Variants in ZRANB1 observed in about 807,000 individuals in gnomAD.
The protein encoded by ZRANB1 is zinc finger RANBP2-type containing 1.
In ZRANB1, 16 loss-of-function variants were observed where a neutral mutation model predicts 80.5. The ratio of observed to expected loss-of-function variants is 0.20; its 90% CI spans 0.13 to 0.30. The LOEUF is 0.30. Among genes scored for constraint, ZRANB1 ranks in the 10% least tolerant of loss-of-function variants. ZRANB1 has a pLI of 1.00. For missense variants in ZRANB1, 576 were observed against 862.6 expected, an observed-to-expected ratio of 0.67 and a Z score of 4.16; for synonymous variants, 291 against 293.1, an observed-to-expected ratio of 0.99 and a Z score of 0.07.
upstream of ZRANB1, among the ~76,000 whole-genome samples, chr10:124,940,890 T>A (rs560135102): frequency 2.5e-3 from 379 of 152,132 alleles, 3 homozygotes; most frequent in African/African-American, 8.1e-3. Context: ...GGCAGGAGAA[T>A]CGCTTGAACC....
chr10:124,931,399 C>G, the ZRANB1 span, among the ~76,000 whole-genome samples: 3 of 152,102 alleles, frequency 2.0e-5, no homozygotes, highest in African/African-American at 7.2e-5. Flanking sequence ...GAGACAGAGT[C>G]TTGCTCTGTT....
At chr10:124,945,408 C>CTTTTTTT (rs1951571849) in intron 1 of ZRANB1, 1 of 60,034 alleles carries the variant, frequency 1.7e-5, no homozygotes, top group African/African-American at 8.0e-5. Context: ...GTCTTAAAAT[C>CTTTTTTT]ATTTTTTTTT....
the ZRANB1 span, among the ~76,000 whole-genome samples, chr10:124,933,138 C>CTT: frequency 3.8e-4 from 51 of 132,688 alleles, no homozygotes; most frequent in East Asian, 7.6e-3. Flanking sequence ...TCTTTTCTTT[C>CTT]TTTTTTTTTT....
At chr10:124,951,178 AATTAGT>A (rs1226634370) in intron 1 of ZRANB1, among the ~76,000 whole-genome samples, 2 of 152,210 alleles carry the variant, frequency 1.3e-5, no homozygotes, top group African/African-American at 4.8e-5. Flanking sequence ...TAAATTATTA[AATTAGT>A]ATTACTTTTT....
the ZRANB1 span, among the ~76,000 whole-genome samples, chr10:124,935,040 G>C: frequency 6.6e-6 from 1 of 152,232 alleles, no homozygotes. Flanking sequence ...ATAATTTAGT[G>C]ATTGTTGTAT....
chr10:124,960,245 T>C lies in ZRANB1; in HGVS notation c.815-6349T>C, dbSNP rs147111096. ...GGCAAATTATAGGAGCTTTCTTGTT[T>C]AGTGTTTCTAATTGGAGACCTTAGT... is the stretch of plus-strand genomic sequence containing the variant. On this transcript the variant is annotated intron_variant, in intron 1 of 8. Transcript: ENST00000359653. Among the ~76,000 whole-genome samples the C allele has an allele frequency of 5.5e-3, 836 of 152,300 alleles. 4 individuals are homozygous for C. The highest frequency in any genetic ancestry group is 0.019 in the African/African-American group (784 of 41,566).
intron 5 of ZRANB1, among the ~76,000 whole-genome samples, chr10:124,978,774 A>G (rs937227155): frequency 2.0e-5 from 3 of 149,904 alleles, no homozygotes. Flanking sequence ...CTACAGGCAC[A>G]TGCCAACATT....
the ZRANB1 span, among the ~76,000 whole-genome samples, chr10:124,936,546 A>T: frequency 6.6e-6 from 1 of 152,304 alleles, no homozygotes; most frequent in East Asian, 1.9e-4. Context: ...CCCTGAAATG[A>T]GGTTAGATTT....
the ZRANB1 span, among the ~76,000 whole-genome samples, chr10:124,935,069 T>C: frequency 6.6e-6 from 1 of 152,362 alleles, no homozygotes; most frequent in South Asian, 2.1e-4. Context: ...AGAGTTCTTT[T>C]TATTTCAAAT....
rs1052664220 is a variant in ZRANB1 at position 124,965,030 on chromosome 10, G to A, written c.815-1564G>A. Among the ~76,000 whole-genome samples the A allele has an allele frequency of 2.0e-5, 3 of 152,202 alleles. No homozygotes were observed. The East Asian group carries it at 5.8e-4, about 29-fold the overall frequency. On this transcript the variant is annotated intron_variant, in intron 1 of 8. Transcript: ENST00000359653. ...AAACAGAAAACTCTTCGATCATAGA[G>A]TTGTTTTTAGTTCAAGTAGCACTTT... is the stretch of plus-strand genomic sequence containing the variant.
At chr10:124,921,124 A>G in the ZRANB1 span, among the ~76,000 whole-genome samples, 1 of 152,220 alleles carries the variant, frequency 6.6e-6, no homozygotes, top group Non-Finnish European at 1.5e-5. Flanking sequence ...GTGTCATATT[A>G]TTAAAATAAA....
chr10:124,940,593 T>A (rs923303906), upstream of ZRANB1: 2 of 1,228,736 alleles, frequency 1.6e-6, no homozygotes, highest in Admixed American at 4.9e-5. Context: ...TACTTTCTTA[T>A]AGTGATTTTT....
Position 124,961,939 on chromosome 10 carries a change from A to AT in ZRANB1, c.815-4655_815-4654insT, listed in dbSNP as rs1374962909. ...TAACTTGTTGCTATTATTATGTGGA[A>AT]AATACAACCAGGAGGTGTTTTGGCC... On this transcript the variant is annotated intron_variant, in intron 1 of 8. Transcript: ENST00000359653. Among the ~76,000 whole-genome samples, 11 of 152,322 alleles carry AT rather than the reference A, an allele frequency of 7.2e-5. No homozygotes were observed. The East Asian group carries it at 1.7e-3, about 24-fold the overall frequency.
the ZRANB1 span, among the ~76,000 whole-genome samples, chr10:124,930,005 A>G: frequency 1.8e-4 from 27 of 152,092 alleles, no homozygotes; most frequent in South Asian, 8.3e-4. Flanking sequence ...TGAGGATTCA[A>G]TGAAGTTACT....
intron 1 of ZRANB1, among the ~76,000 whole-genome samples, chr10:124,957,038 A>G (rs1951692754): frequency 6.6e-6 from 1 of 152,218 alleles, no homozygotes; most frequent in South Asian, 2.1e-4. Flanking sequence ...TATCCAAGAA[A>G]TTTAATACTG....
At chr10:124,952,210 A>G (rs1343518309) in intron 1 of ZRANB1, among the ~76,000 whole-genome samples, 2 of 152,198 alleles carry the variant, frequency 1.3e-5, no homozygotes, top group Non-Finnish European at 2.9e-5. Context: ...CTTACGTGGC[A>G]AAAGAGATTT....
At chr10:124,980,274 A>T (rs1475544705) in intron 5 of ZRANB1, among the ~76,000 whole-genome samples, 5 of 152,338 alleles carry the variant, frequency 3.3e-5, no homozygotes, top group Middle Eastern at 3.4e-3. Flanking sequence ...CTCTGGTAGT[A>T]TCAGAGTTTA....
chr10:124,981,673 CTA>C lies in ZRANB1; in HGVS notation c.1428-34_1428-33del, dbSNP rs747033719. The C allele has an allele frequency of 5.2e-6, 8 of 1,543,080 alleles. 1 individual carries two copies. Among genetic ancestry groups the C allele is most frequent in the Admixed American group, 4.0e-5 (2 of 50,204 alleles). ...CTTTAAATGTTTTATTTATAGAAGACTATTTATTTATTTTTTTACTATCCTGC... is the reference window on the plus strand; with the variant it reads ...CTTTAAATGTTTTATTTATAGAAGACTTTATTTATTTTTTTACTATCCTGC... On this transcript the variant is annotated intron_variant, in intron 5 of 8. Coordinates refer to ENST00000359653, the MANE Select transcript of ZRANB1 (RefSeq NM_017580.3).
chr10:124,950,919 G>A (rs1951633950), intron 1 of ZRANB1, among the ~76,000 whole-genome samples: 1 of 152,132 alleles, frequency 6.6e-6, no homozygotes, highest in South Asian at 2.1e-4. Context: ...GCTGCAGCGG[G>A]CCATGATTGT....
Sources: gnomAD v4.1 joint callset for allele counts (sites outside exome capture counted in the v4.1 genomes callset) on GRCh38, gnomAD v4.1.1 for gene constraint, MANE v1.5 for transcripts, NCBI Gene and HGNC (gene_info 2026-07-23, HGNC 2026-07-21) for gene names.